Variants in SLC8A1 observed in about 807,000 individuals in gnomAD.
SLC8A1 encodes the protein sodium/calcium exchanger 1.
Under a neutral mutation model 68.3 loss-of-function variants are expected in SLC8A1, and 18 were observed. That is an observed-to-expected ratio of 0.26 (90% CI 0.18 to 0.39). SLC8A1 has a LOEUF of 0.39. Among genes scored for constraint, SLC8A1 ranks in the 10% least tolerant of loss-of-function variants. SLC8A1 has a pLI of 1.00. For missense variants in SLC8A1, 985 were observed against 1,156.7 expected (o/e 0.85, Z 2.15); for synonymous variants, 475 against 415.5 (o/e 1.14, Z -1.74).
At chr2:40,279,850 C>G (rs6729054) in intron 2 of SLC8A1, among the ~76,000 whole-genome samples, 40,992 of 152,072 alleles carry the variant, frequency 0.27, 6,187 homozygotes, top group African/African-American at 0.39. Context: ...GCTCACCAAT[C>G]TCCTATTGTA....
chr2:40,288,541 T>C (rs951340132), intron 2 of SLC8A1, among the ~76,000 whole-genome samples: 13 of 152,028 alleles, frequency 8.6e-5, no homozygotes, highest in Non-Finnish European at 1.5e-4. Context: ...TGAGGAAAAC[T>C]TCACAGGGAG....
At chr2:40,289,274 A>G (rs572082643) in intron 2 of SLC8A1, among the ~76,000 whole-genome samples, 1 of 152,220 alleles carries the variant, frequency 6.6e-6, no homozygotes, top group East Asian at 1.9e-4. Context: ...ATATTGTTAA[A>G]CTATTTGTAA....
intron 2 of SLC8A1, among the ~76,000 whole-genome samples, chr2:40,325,777 CAAAAAAAAAAAAA>C (rs3059526): frequency 4.4e-5 from 2 of 45,008 alleles, no homozygotes; most frequent in African/African-American, 1.6e-4. Flanking sequence ...ACTAAAAATA[CAAAAAAAAAAAAA>C]AAAAAAAAAA....
chr2:40,418,631 G>A (rs1252650598), intron 2 of SLC8A1, among the ~76,000 whole-genome samples: 1 of 152,196 alleles, frequency 6.6e-6, no homozygotes, highest in Non-Finnish European at 1.5e-5. Context: ...GGACTCAAGT[G>A]TGAGTAACAC....
intron 2 of SLC8A1, among the ~76,000 whole-genome samples, chr2:40,364,574 T>C (rs1675534755): frequency 6.6e-6 from 1 of 151,948 alleles, no homozygotes; most frequent in Non-Finnish European, 1.5e-5. Context: ...CTTCACAAAA[T>C]ACTTTCAATT....
At chr2:40,410,688 T>C (rs1425683638) in intron 2 of SLC8A1, among the ~76,000 whole-genome samples, 1 of 152,154 alleles carries the variant, frequency 6.6e-6, no homozygotes, top group Non-Finnish European at 1.5e-5. Flanking sequence ...ACAGTTATCA[T>C]TTTTTGTGGT....
At chr2:40,220,023 A>AT (rs1255713025) in intron 2 of SLC8A1, 3 of 151,752 alleles carry the variant, frequency 2.0e-5, no homozygotes, top group African/African-American at 7.3e-5. Flanking sequence ...CTTATGTATA[A>AT]TTTTTTATCT....
At chr2:40,356,024 G>A (rs185619245) in intron 2 of SLC8A1, among the ~76,000 whole-genome samples, 1 of 152,030 alleles carries the variant, frequency 6.6e-6, no homozygotes, top group East Asian at 1.9e-4. Flanking sequence ...TGATGGTTAC[G>A]CACATGCTGT....
chr2:40,360,448 T>C (rs887429971), intron 2 of SLC8A1, among the ~76,000 whole-genome samples: 4 of 152,212 alleles, frequency 2.6e-5, no homozygotes, highest in African/African-American at 9.6e-5. Context: ...AAGAGCCCTT[T>C]ATCTGTGACA....
chr2:40,137,202 GACAC>G (rs781445037), intron 7 of SLC8A1, among the ~76,000 whole-genome samples: 7 of 152,154 alleles, frequency 4.6e-5, no homozygotes, highest in Non-Finnish European at 7.4e-5. Flanking sequence ...TAAAACAAGA[GACAC>G]ACAGAGGCCT....
intron 2 of SLC8A1, among the ~76,000 whole-genome samples, chr2:40,283,825 C>A (rs2067863462): frequency 6.6e-6 from 1 of 152,100 alleles, no homozygotes; most frequent in Non-Finnish European, 1.5e-5. Context: ...CTTTCATTGA[C>A]AAGAAAGGCT....
intron 2 of SLC8A1, among the ~76,000 whole-genome samples, chr2:40,259,694 G>A (rs991941329): frequency 6.6e-6 from 1 of 152,066 alleles, no homozygotes; most frequent in African/African-American, 2.4e-5. Context: ...TTTTCTTAGG[G>A]TTTGGAGGTT....
chr2:40,194,430 C>T lies in SLC8A1; in HGVS notation c.1809-16575G>A, dbSNP rs142792352. On this transcript the variant is annotated intron_variant, in intron 2 of 7. Coordinates refer to ENST00000406785, the Ensembl canonical transcript of SLC8A1. ...GAAAGGGTAAAAGGATAACACTGAG[C>T]GATCACTAAGAAAAATGACTCAGGT... Among the ~76,000 whole-genome samples the T allele has an allele frequency of 1.6e-4, 23 of 145,986 alleles. No homozygotes were observed. The East Asian group carries it at 3.4e-3, about 21-fold the overall frequency.
chr2:40,429,469 T>C (rs934676057), exon 2 of SLC8A1: 1 of 1,613,748 alleles, frequency 6.2e-7, no homozygotes, highest in African/African-American at 1.3e-5. Context: ...CATCCCCCTC[T>C]GCTTGCCAGC....
At chr2:40,461,089 C>T (rs1703314326) in intron 1 of SLC8A1, among the ~76,000 whole-genome samples, 1 of 152,104 alleles carries the variant, frequency 6.6e-6, no homozygotes, top group South Asian at 2.1e-4. Context: ...TATTACCGCT[C>T]AGCTTAATCT....
intron 1 of SLC8A1, among the ~76,000 whole-genome samples, chr2:40,490,782 A>G (rs762392942): frequency 1.3e-5 from 2 of 152,128 alleles, no homozygotes; most frequent in Non-Finnish European, 2.9e-5. Context: ...AAAGAATCAA[A>G]AATTATAAAG....
At chr2:40,304,044 A>G (rs1312367523) in intron 2 of SLC8A1, among the ~76,000 whole-genome samples, 1 of 152,222 alleles carries the variant, frequency 6.6e-6, no homozygotes, top group Non-Finnish European at 1.5e-5. Context: ...TCCTTATGAA[A>G]GGGCTCCAGG....
Position 40,264,557 on chromosome 2 carries a change from G to A in SLC8A1, c.1809-86702C>T, listed in dbSNP as rs1051605481. 9.2e-4 allele frequency among the ~76,000 whole-genome samples: 140 copies of A among 152,208 alleles called. 2 individuals carry two copies. The highest frequency in any genetic ancestry group is 1.4e-3 in the Admixed American group (22 of 15,282). ...GAGTTCATGTCCTTTGTAGGGACAC[G>A]GATGAAGCTGGAAACCATCATTCTC... On this transcript the variant is annotated intron_variant, in intron 2 of 7. Coordinates refer to ENST00000406785, the Ensembl canonical transcript of SLC8A1.
intron 1 of SLC8A1, among the ~76,000 whole-genome samples, chr2:40,461,509 G>A (rs538022624): frequency 1.2e-4 from 19 of 152,096 alleles, no homozygotes; most frequent in Non-Finnish European, 2.4e-4. Context: ...GTAAGGAGGA[G>A]GTGAAAAAAC....
Sources: gnomAD v4.1 joint callset for allele counts (sites outside exome capture counted in the v4.1 genomes callset) on GRCh38, gnomAD v4.1.1 for gene constraint, MANE v1.5 for transcripts, NCBI Gene and HGNC (gene_info 2026-07-23, HGNC 2026-07-21) for gene names.